Variants in NFIB observed in about 807,000 individuals in gnomAD.
NFIB encodes the protein nuclear factor I B.
Under a neutral mutation model 61.5 loss-of-function variants are expected in NFIB, and 11 were observed. That is an observed-to-expected ratio of 0.18 (90% CI 0.11 to 0.30). NFIB has a LOEUF of 0.30. Among genes scored for constraint, NFIB ranks in the 10% least tolerant of loss-of-function variants. The pLI, the probability that NFIB is intolerant of heterozygous loss-of-function variation, is 1.00. For missense variants in NFIB, 471 were observed against 608.9 expected (o/e 0.77, Z 2.38); for synonymous variants, 260 against 216.5 (o/e 1.20, Z -1.76).
At chr9:14,397,929 G>A (rs1433839044) in intron 1 of NFIB, among the ~76,000 whole-genome samples, 1 of 152,130 alleles carries the variant, frequency 6.6e-6, no homozygotes. Flanking sequence ...GTTTTCTCAT[G>A]TCGCCTGGGT....
chr9:14,148,954 C>T (rs2042577813), intron 5 of NFIB, among the ~76,000 whole-genome samples: 1 of 152,126 alleles, frequency 6.6e-6, no homozygotes, highest in Non-Finnish European at 1.5e-5. Flanking sequence ...AAATTACATG[C>T]ATAAGGAAGT....
At chr9:14,373,323 C>G (rs565264796) in intron 1 of NFIB, among the ~76,000 whole-genome samples, 30 of 152,306 alleles carry the variant, frequency 2.0e-4, no homozygotes, top group African/African-American at 7.0e-4. Context: ...CCCAAATCCT[C>G]TTATATGCAG....
At chr9:14,147,789 C>T (rs918051863) in intron 5 of NFIB, among the ~76,000 whole-genome samples, 2 of 151,782 alleles carry the variant, frequency 1.3e-5, no homozygotes, top group South Asian at 2.1e-4. Context: ...CTATAGGTGC[C>T]TGTCACCACA....
intron 3 of NFIB, among the ~76,000 whole-genome samples, chr9:14,156,817 T>C (rs1400096325): frequency 6.6e-6 from 1 of 152,182 alleles, no homozygotes. Context: ...TGAGAATAAG[T>C]TTGAAAATCC....
At chr9:14,363,617 GTA>G (rs1322982013) in intron 1 of NFIB, among the ~76,000 whole-genome samples, 1 of 123,298 alleles carries the variant, frequency 8.1e-6, no homozygotes, top group African/African-American at 3.8e-5. Context: ...ATATGTGCAT[GTA>G]TATGTGTGTA....
At chr9:14,341,541 C>A (rs543061520) in intron 1 of NFIB, among the ~76,000 whole-genome samples, 2 of 152,278 alleles carry the variant, frequency 1.3e-5, no homozygotes, top group East Asian at 3.9e-4. Context: ...GGACTGGCCA[C>A]CTCCCCAGCA....
At chr9:14,237,198 G>A (rs1024430639) in intron 2 of NFIB, among the ~76,000 whole-genome samples, 8 of 152,084 alleles carry the variant, frequency 5.3e-5, no homozygotes, top group African/African-American at 1.7e-4. Context: ...AAAAGGCTAC[G>A]TCACTGAAAA....
chr9:14,473,707 G>A, the NFIB span, among the ~76,000 whole-genome samples: 5 of 152,142 alleles, frequency 3.3e-5, no homozygotes, highest in Admixed American at 6.5e-5. Context: ...AGGCATTTGC[G>A]ACACCTGAAC....
chr9:14,505,613 G>C, the NFIB span, among the ~76,000 whole-genome samples: 1 of 152,252 alleles, frequency 6.6e-6, no homozygotes, highest in East Asian at 1.9e-4. Flanking sequence ...CCACAACCAA[G>C]AAGAATCTGT....
chr9:14,158,377 C>T (rs1283900325), intron 3 of NFIB, among the ~76,000 whole-genome samples: 2 of 152,166 alleles, frequency 1.3e-5, no homozygotes, highest in African/African-American at 4.8e-5. Context: ...CACCCACTGG[C>T]CCAGCCAGAA....
intron 2 of NFIB, among the ~76,000 whole-genome samples, chr9:14,190,299 A>G (rs1393149376): frequency 6.6e-6 from 1 of 152,186 alleles, no homozygotes; most frequent in African/African-American, 2.4e-5. Flanking sequence ...CTCAAGATGC[A>G]TAGCAATTAA....
At chr9:14,405,536 A>G in the NFIB span, among the ~76,000 whole-genome samples, 111 of 152,348 alleles carry the variant, frequency 7.3e-4, 2 homozygotes, top group Admixed American at 6.2e-3. Context: ...GCTATAACTC[A>G]AAAGACAGGC....
chr9:14,363,845 A>G (rs1237192864), intron 1 of NFIB, among the ~76,000 whole-genome samples: 1 of 152,144 alleles, frequency 6.6e-6, no homozygotes, highest in African/African-American at 2.4e-5. Flanking sequence ...TATGTCTTAG[A>G]CATCTTTCCA....
chr9:14,428,659 T>C, the NFIB span, among the ~76,000 whole-genome samples: 1 of 152,346 alleles, frequency 6.6e-6, no homozygotes, highest in South Asian at 2.1e-4. Flanking sequence ...CACTTTCTTT[T>C]GAAATGGAAT....
the NFIB span, among the ~76,000 whole-genome samples, chr9:14,448,025 T>C: frequency 2.9e-3 from 443 of 152,350 alleles, 3 homozygotes; most frequent in African/African-American, 8.9e-3. Flanking sequence ...AATGAAGTTA[T>C]AGAAAACTTG....
At chr9:14,529,477 G>A in the NFIB span, among the ~76,000 whole-genome samples, 1 of 152,042 alleles carries the variant, frequency 6.6e-6, no homozygotes. Context: ...CACAATAAAC[G>A]AGTTTGTAAG....
chr9:14,489,325 G>A, the NFIB span, among the ~76,000 whole-genome samples: 1 of 152,206 alleles, frequency 6.6e-6, no homozygotes, highest in African/African-American at 2.4e-5. Context: ...AAAGAGACAT[G>A]TAGTTCATGA....
At chr9:14,389,945 T>A (rs2061600762) in intron 1 of NFIB, among the ~76,000 whole-genome samples, 1 of 152,196 alleles carries the variant, frequency 6.6e-6, no homozygotes, top group African/African-American at 2.4e-5. Flanking sequence ...CCATTAGATT[T>A]CTCAAAACAC....
chr9:14,421,312 G>T, the NFIB span, among the ~76,000 whole-genome samples: 16 of 152,122 alleles, frequency 1.1e-4, no homozygotes, highest in Non-Finnish European at 2.1e-4. Context: ...ATACAGATTT[G>T]TTAAATAATT....
Sources: allele counts gnomAD v4.1 joint callset (sites outside exome capture counted in the v4.1 genomes callset), GRCh38; gene constraint gnomAD v4.1.1; transcripts MANE v1.5; gene names NCBI Gene and HGNC (gene_info 2026-07-23, HGNC 2026-07-21).